AP2B1: variants seen among roughly 807,000 people sequenced by gnomAD.
AP2B1 encodes the protein AP-2 complex subunit beta.
AP2B1 carries 23 observed loss-of-function variants against 102.0 expected under a neutral mutation model. That is an observed-to-expected ratio of 0.23 (90% CI 0.16 to 0.32). AP2B1 has a LOEUF of 0.32. Among genes scored for constraint, AP2B1 ranks in the 10% least tolerant of loss-of-function variants. The probability of loss-of-function intolerance (pLI) is 1.00; values close to 1 mark genes in which losing one functional copy is unlikely to be tolerated. For missense variants in AP2B1, 541 were observed against 1,157.4 expected (o/e 0.47, Z 7.73); for synonymous variants, 381 against 421.2 (o/e 0.90, Z 1.17).
chr17:35,720,567 ATATATATTTTTTT>A (rs1309772041), intron 21 of AP2B1, among the ~76,000 whole-genome samples: 38 of 52,322 alleles, frequency 7.3e-4, no homozygotes, highest in African/African-American at 1.4e-3. Flanking sequence ...ATATATATAT[ATATATATTTTTTT>A]TTTTTTTTTT....
At chr17:35,657,502 G>T in intron 13 of AP2B1, 97 bp from the exon 14 acceptor site, 1 of 933,598 alleles carries the variant, frequency 1.1e-6, no homozygotes. Context: ...GTATTTGATA[G>T]TTATATATAG....
At chr17:35,711,678 A>G (rs188257678) in intron 20 of AP2B1, among the ~76,000 whole-genome samples, 1,916 of 152,276 alleles carry the variant, frequency 0.013, 20 homozygotes, top group Non-Finnish European at 0.02. Flanking sequence ...TCACCCTGTT[A>G]GCCAGGATGT....
chr17:35,644,308 A>G (rs2074864800), intron 12 of AP2B1, among the ~76,000 whole-genome samples: 2 of 152,144 alleles, frequency 1.3e-5, no homozygotes, highest in African/African-American at 4.8e-5. Context: ...GCCCATATGT[A>G]TATGTGTGTT....
chr17:35,597,243 T>G lies in AP2B1; in HGVS notation c.38-987T>G. The G allele has an allele frequency of 1.4e-5, 5 of 357,662 alleles. No individual in the cohort carries two copies. In the South Asian group the frequency reaches 1.8e-4, roughly 13 times the overall value. 22.2% of individuals were successfully genotyped at this position (357,662 alleles called of 1,614,324 possible). On this transcript the variant is annotated intron_variant, in intron 2 of 21. Coordinates refer to ENST00000610402, the MANE Select transcript of AP2B1 (RefSeq NM_001030006.2). ...GCAGTATGGTAGATGAGCTGGAGGA[T>G]GTAGATGGAAAGTTGAGATGGGAGT...
At chr17:35,648,093 A>G (rs2074986800) in intron 12 of AP2B1, among the ~76,000 whole-genome samples, 1 of 152,064 alleles carries the variant, frequency 6.6e-6, no homozygotes, top group Admixed American at 6.6e-5. Context: ...TGAAACAGGG[A>G]CTTATTGTTG....
intron 5 of AP2B1, among the ~76,000 whole-genome samples, chr17:35,609,046 A>G (rs1462488344): frequency 6.6e-6 from 1 of 152,252 alleles, no homozygotes; most frequent in Non-Finnish European, 1.5e-5. Context: ...TATTGTTGCC[A>G]GGAAGATGGA....
chr17:35,688,179 T>G (rs1189561032), intron 18 of AP2B1, among the ~76,000 whole-genome samples: 2 of 151,276 alleles, frequency 1.3e-5, no homozygotes, highest in African/African-American at 2.4e-5. Flanking sequence ...TAGTGTCCTT[T>G]TCTTGGTTTA....
chr17:35,673,748 G>A lies in AP2B1; in HGVS notation c.2179-428G>A, dbSNP rs1053416332. On this transcript the variant is annotated intron_variant, in intron 16 of 21. Coordinates refer to ENST00000610402, the MANE Select transcript of AP2B1 (RefSeq NM_001030006.2). ...TGAAAAAAAATCTTCAAAGATTACA[G>A]CCATGCTGTTTTCATTAGTAGATGC... Among the ~76,000 whole-genome samples the A allele has an allele frequency of 3.9e-5, 6 of 152,234 alleles. No individual in the cohort carries two copies. In the South Asian group the frequency reaches 6.2e-4, roughly 16 times the overall value.
intron 13 of AP2B1, among the ~76,000 whole-genome samples, chr17:35,655,139 C>G (rs2075185709): frequency 6.6e-6 from 1 of 152,112 alleles, no homozygotes; most frequent in East Asian, 1.9e-4. Flanking sequence ...TGGAGAATAT[C>G]TTCATGTTAC....
At chr17:35,670,930 A>T (rs1295246736) in intron 15 of AP2B1, 32 bp downstream of exon 15, 1 of 1,611,918 alleles carries the variant, frequency 6.2e-7, no homozygotes, top group East Asian at 2.2e-5. Context: ...CACCATGAGA[A>T]GCACTGCCCC....
At chr17:35,611,480 T>TGC (rs756786873) in intron 5 of AP2B1, among the ~76,000 whole-genome samples, 13 of 151,974 alleles carry the variant, frequency 8.6e-5, no homozygotes, top group Admixed American at 3.9e-4. Flanking sequence ...TGTGTGTGTG[T>TGC]GCGCGCGCGC....
At chr17:35,674,400 C>T in intron 17 of AP2B1, 79 bp downstream of exon 17, 2 of 1,540,740 alleles carry the variant, frequency 1.3e-6, no homozygotes, top group Non-Finnish European at 1.8e-6. Context: ...CCATTTAGCA[C>T]TGGTTAAAAA....
intron 1 of AP2B1, 129 bp from the exon 2 acceptor site, chr17:35,593,879 G>A: frequency 1.9e-6 from 1 of 518,048 alleles, no homozygotes; most frequent in Non-Finnish European, 3.4e-6. Flanking sequence ...GATAAAGGAA[G>A]ATGATACTCA....
At position 35,641,483 on chromosome 17, in the gene AP2B1, C is replaced by T. The variant is rs1005254600; in HGVS notation, c.1438-394C>T. 6.6e-5 allele frequency among the ~76,000 whole-genome samples: 10 copies of T among 152,074 alleles called. No individual in the cohort carries two copies. In the South Asian group the frequency reaches 2.1e-3, roughly 32 times the overall value. On this transcript the variant is annotated intron_variant, in intron 11 of 21. Coordinates refer to ENST00000610402, the MANE Select transcript of AP2B1 (RefSeq NM_001030006.2). ...GTCCCAGCTACTTGGGAAGCTGAGG[C>T]AGGAGGATTGCTTGAGTCCAGGAGT...
chr17:35,619,879 T>A (rs2074125121), intron 5 of AP2B1, among the ~76,000 whole-genome samples: 1 of 152,098 alleles, frequency 6.6e-6, no homozygotes, highest in Admixed American at 6.5e-5. Flanking sequence ...CTGCCTCGCA[T>A]GTTCAAGTGA....
intron 4 of AP2B1, among the ~76,000 whole-genome samples, chr17:35,606,242 ATT>A (rs35218837): frequency 4.8e-5 from 7 of 145,268 alleles, no homozygotes; most frequent in Admixed American, 6.8e-5. Flanking sequence ...CATTTGATTA[ATT>A]TTTTTTTTTT....
At chr17:35,685,315 A>T (rs587681203) in intron 18 of AP2B1, among the ~76,000 whole-genome samples, 16 of 152,290 alleles carry the variant, frequency 1.1e-4, no homozygotes, top group African/African-American at 3.9e-4. Context: ...TAGCTTAGGG[A>T]TGTGTAGGGT....
chr17:35,680,238 T>C (rs974719818), intron 17 of AP2B1, among the ~76,000 whole-genome samples: 1 of 152,176 alleles, frequency 6.6e-6, no homozygotes. Context: ...TTTATAAACG[T>C]CGTAGTCCCA....
chr17:35,696,766 G>A lies in AP2B1; in HGVS notation c.2455-12458G>A, dbSNP rs1006462415. Among the ~76,000 whole-genome samples, 3 of 152,092 alleles carry A rather than the reference G, an allele frequency of 2.0e-5. No homozygotes were observed. In the East Asian group the frequency reaches 5.8e-4, roughly 29 times the overall value. ...CAGTCTCCCTTATTTTTACCCCATA[G>A]CATTTCATTATATTTTAATTACTAC... On this transcript the variant is annotated intron_variant, in intron 18 of 21. Coordinates refer to ENST00000610402, the MANE Select transcript of AP2B1 (RefSeq NM_001030006.2).
Sources: gnomAD v4.1 joint callset for allele counts (sites outside exome capture counted in the v4.1 genomes callset) on GRCh38, gnomAD v4.1.1 for gene constraint, MANE v1.5 for transcripts, NCBI Gene and HGNC (gene_info 2026-07-23, HGNC 2026-07-21) for gene names.